Variants in FBXO11 observed in about 807,000 individuals in gnomAD.
The protein encoded by FBXO11 is F-box protein 11.
Under a neutral mutation model 117.0 loss-of-function variants are expected in FBXO11, and 13 were observed. The observed-to-expected ratio is 0.11, with a 90% CI of 0.07 to 0.18. FBXO11 has a LOEUF of 0.18. FBXO11 is among the 10% of genes least tolerant of loss of function. The pLI is 1.00. For missense variants in FBXO11, 767 were observed against 1,164.4 expected (o/e 0.66, Z 4.97); for synonymous variants, 490 against 380.5 (o/e 1.29, Z -3.35).
intron 1 of FBXO11, among the ~76,000 whole-genome samples, chr2:47,897,308 G>T (rs1163915120): frequency 6.6e-6 from 1 of 152,154 alleles, no homozygotes; most frequent in South Asian, 2.1e-4. Context: ...ATCAGCAAAG[G>T]CTAAACTGAT....
At chr2:47,864,048 T>C (rs886495558) in intron 1 of FBXO11, among the ~76,000 whole-genome samples, 1 of 152,162 alleles carries the variant, frequency 6.6e-6, no homozygotes, top group African/African-American at 2.4e-5. Flanking sequence ...ATACGGCATA[T>C]GTGCTGGAAT....
Position 47,905,778 on chromosome 2 carries a change from A to C in FBXO11, c.-58T>G, listed in dbSNP as rs1288961602. 4 of 1,251,048 alleles carry C rather than the reference A, an allele frequency of 3.2e-6. No individual in the cohort carries two copies. The East Asian group carries it at 2.7e-4, about 85-fold the overall frequency. 77.5% of individuals were successfully genotyped at this position (1,251,048 alleles called of 1,614,324 possible). A position where few individuals can be genotyped will look rare whatever the true frequency, so the allele number is the denominator to read the frequency against. ...GACACACACACGCACACGCACAGCG[A>C]GCTTCGGGGCAGGAGAAAGGGGTGG... On this transcript the variant is annotated 5_prime_UTR_variant, in exon 1 of 23. Transcript: ENST00000403359.
At chr2:47,905,242 C>T (rs972083261) in intron 1 of FBXO11, 57 of 257,778 alleles carry the variant, frequency 2.2e-4, no homozygotes, top group African/African-American at 1.2e-3. Context: ...GGGTGCTGAG[C>T]CCCCGAAACC....
chr2:47,897,223 T>C (rs1677736444), intron 1 of FBXO11, among the ~76,000 whole-genome samples: 1 of 152,144 alleles, frequency 6.6e-6, no homozygotes, highest in Admixed American at 6.5e-5. Context: ...TAATATACTA[T>C]GAATGGAAGA....
chr2:47,879,423 G>T (rs1158775758), intron 1 of FBXO11, among the ~76,000 whole-genome samples: 1 of 152,192 alleles, frequency 6.6e-6, no homozygotes, highest in Non-Finnish European at 1.5e-5. Flanking sequence ...ACAACCAATG[G>T]AGTATGCTGC....
chr2:47,820,524 T>C (rs1671304129), intron 13 of FBXO11, 68 bp from the exon 14 acceptor site: 4 of 1,182,128 alleles, frequency 3.4e-6, no homozygotes, highest in Admixed American at 2.1e-5. Context: ...GATTTTACAT[T>C]AGGTAGTGGT....
intron 1 of FBXO11, among the ~76,000 whole-genome samples, chr2:47,882,256 T>G (rs1676485246): frequency 6.6e-6 from 1 of 152,210 alleles, no homozygotes; most frequent in Non-Finnish European, 1.5e-5. Flanking sequence ...TTATAAATGT[T>G]GTTCGACTGG....
chr2:47,843,321 C>T (rs1253948337), intron 1 of FBXO11, among the ~76,000 whole-genome samples: 3 of 152,102 alleles, frequency 2.0e-5, no homozygotes, highest in Non-Finnish European at 2.9e-5. Flanking sequence ...TTGTGTTGTT[C>T]AAATAGTCTC....
chr2:47,823,779 G>T (rs951993695), intron 11 of FBXO11, among the ~76,000 whole-genome samples: 6 of 151,438 alleles, frequency 4.0e-5, no homozygotes, highest in Non-Finnish European at 7.4e-5. Flanking sequence ...AAAAGTTTAA[G>T]AATAAAAAGT....
intron 16 of FBXO11, among the ~76,000 whole-genome samples, chr2:47,816,737 T>C (rs775721110): frequency 5.3e-5 from 8 of 152,332 alleles, no homozygotes; most frequent in East Asian, 3.9e-4. Context: ...ACTGGGTGCA[T>C]TGTCAATGAG....
intron 1 of FBXO11, among the ~76,000 whole-genome samples, chr2:47,890,710 CAGG>C (rs1249980117): frequency 6.6e-6 from 1 of 151,886 alleles, no homozygotes; most frequent in Non-Finnish European, 1.5e-5. Flanking sequence ...GAGGCTGAGG[CAGG>C]AGACTTCTTG....
chr2:47,894,442 A>C (rs1677501457), intron 1 of FBXO11, among the ~76,000 whole-genome samples: 1 of 152,234 alleles, frequency 6.6e-6, no homozygotes, highest in Admixed American at 6.5e-5. Flanking sequence ...AACAGGTTCC[A>C]AACTTAAGTG....
intron 1 of FBXO11, among the ~76,000 whole-genome samples, chr2:47,904,934 G>A (rs1373747325): frequency 1.3e-5 from 2 of 151,970 alleles, no homozygotes; most frequent in Non-Finnish European, 2.9e-5. Flanking sequence ...GGACGGGGGG[G>A]CGGGGGAAAC....
chr2:47,901,499 T>C (rs191024188), intron 1 of FBXO11, among the ~76,000 whole-genome samples: 1 of 152,280 alleles, frequency 6.6e-6, no homozygotes, highest in Non-Finnish European at 1.5e-5. Context: ...GTTATTAGAT[T>C]CCAGGTAGAA....
Position 47,833,043 on chromosome 2 carries a change from A to G in FBXO11, c.962T>C (p.Ile321Thr), listed in dbSNP as rs1454683447. 1.1e-5 allele frequency: 17 copies of G among 1,613,344 alleles called. No homozygotes were observed. The highest frequency in any genetic ancestry group is 2.2e-5 in the East Asian group (1 of 44,848). The change falls in exon 8 of 23, where the codon ATA becomes ACA. Residue 321 changes from isoleucine to threonine, a missense_variant. By Grantham distance (89) the Ile-to-Thr change is moderately conservative. Transcript: ENST00000403359. ...GGTTGAATCTCTAGTGTTTTCAATT[A>G]TAACTTTGTCTGCCACTTTCCCAGG... ...AAPGKVADKV[I>T]IENTRDSTFV... is the part of the protein sequence containing the mutation.
At chr2:47,870,232 T>C (rs533024141) in intron 1 of FBXO11, among the ~76,000 whole-genome samples, 21 of 152,320 alleles carry the variant, frequency 1.4e-4, no homozygotes, top group African/African-American at 5.1e-4. Flanking sequence ...AAATTAGTGT[T>C]ATTGCTACTT....
chr2:47,878,517 G>C (rs184204326), intron 1 of FBXO11, among the ~76,000 whole-genome samples: 20,494 of 151,672 alleles, frequency 0.14, 1,572 homozygotes, highest in Non-Finnish European at 0.18. Context: ...CCACTATGCC[G>C]GGCTAATTTT....
intron 1 of FBXO11, among the ~76,000 whole-genome samples, chr2:47,861,969 G>C (rs1423696793): frequency 6.6e-6 from 1 of 151,792 alleles, no homozygotes; most frequent in Admixed American, 6.6e-5. Context: ...CTGGAGTGCA[G>C]TGGCACAGTC....
chr2:47,873,448 G>A (rs1378256542), intron 1 of FBXO11, among the ~76,000 whole-genome samples: 2 of 152,210 alleles, frequency 1.3e-5, no homozygotes, highest in Non-Finnish European at 2.9e-5. Flanking sequence ...GGCCCTCAAA[G>A]GCACCTGTGT....
Sources: allele counts gnomAD v4.1 joint callset (sites outside exome capture counted in the v4.1 genomes callset), GRCh38; gene constraint gnomAD v4.1.1; transcripts MANE v1.5; gene names NCBI Gene and HGNC (gene_info 2026-07-23, HGNC 2026-07-21).